Variants in ROBO2 observed in about 807,000 individuals in gnomAD.
ROBO2 encodes roundabout guidance receptor 2, also known as roundabout homolog 2.
ROBO2 carries 53 observed loss-of-function variants against 160.8 expected under a neutral mutation model. That is an observed-to-expected ratio of 0.33 (90% CI 0.26 to 0.41). The LOEUF (loss-of-function observed/expected upper bound fraction) is 0.41. Ranked by LOEUF, ROBO2 falls within the 10% of genes least tolerant of loss-of-function variation. The pLI is 1.00. For missense variants in ROBO2, 1,577 were observed against 1,722.4 expected (o/e 0.92, Z 1.49); for synonymous variants, 664 against 611.7 (o/e 1.09, Z -1.26).
intron 2 of ROBO2, among the ~76,000 whole-genome samples, chr3:77,180,666 T>G (rs1411785405): frequency 1.3e-5 from 2 of 151,786 alleles, no homozygotes; most frequent in African/African-American, 4.8e-5. Context: ...ATAGACACAT[T>G]AGGGATGTAT....
intron 2 of ROBO2, among the ~76,000 whole-genome samples, chr3:76,716,090 TA>T (rs1268713104): frequency 8.5e-6 from 1 of 117,676 alleles, no homozygotes; most frequent in Non-Finnish European, 2.1e-5. Flanking sequence ...AGACTTAAGT[TA>T]TGAATTTTTT....
intron 6 of ROBO2, among the ~76,000 whole-genome samples, chr3:77,523,123 T>G (rs1480734242): frequency 6.6e-6 from 1 of 151,352 alleles, no homozygotes; most frequent in African/African-American, 2.4e-5. Flanking sequence ...AATAAATTGC[T>G]TATATGGTTT....
chr3:76,802,333 C>T (rs968575552), intron 2 of ROBO2, among the ~76,000 whole-genome samples: 7 of 152,178 alleles, frequency 4.6e-5, no homozygotes, highest in African/African-American at 1.7e-4. Context: ...ATAAATGGTA[C>T]ATTGTCTTGA....
intron 2 of ROBO2, among the ~76,000 whole-genome samples, chr3:76,907,982 G>C (rs1040103390): frequency 6.6e-6 from 1 of 151,974 alleles, no homozygotes; most frequent in Non-Finnish European, 1.5e-5. Context: ...TGGGATTATA[G>C]GCGCCCACCA....
chr3:76,185,340 T>C (rs1701712369), intron 2 of ROBO2, among the ~76,000 whole-genome samples: 1 of 151,638 alleles, frequency 6.6e-6, no homozygotes. Context: ...TTAAGTTGCA[T>C]CTGTTTGATT....
At chr3:77,301,756 C>T (rs1302364841) in intron 2 of ROBO2, among the ~76,000 whole-genome samples, 3 of 152,168 alleles carry the variant, frequency 2.0e-5, no homozygotes, top group African/African-American at 7.2e-5. Flanking sequence ...AATATTGTAA[C>T]TCTTTTACTA....
At chr3:77,019,393 A>C (rs75691869) in intron 2 of ROBO2, among the ~76,000 whole-genome samples, 2,171 of 152,248 alleles carry the variant, frequency 0.014, 24 homozygotes, top group Non-Finnish European at 0.02. Flanking sequence ...ATCATCCCCC[A>C]AAAACCCTAC....
intron 2 of ROBO2, among the ~76,000 whole-genome samples, chr3:76,897,576 A>G (rs1444483964): frequency 2.6e-5 from 4 of 152,042 alleles, no homozygotes; most frequent in Non-Finnish European, 5.9e-5. Flanking sequence ...AGTACTAGGG[A>G]AAAAAAGTAC....
At chr3:77,217,178 T>C (rs2085091088) in intron 2 of ROBO2, among the ~76,000 whole-genome samples, 1 of 152,042 alleles carries the variant, frequency 6.6e-6, no homozygotes, top group Non-Finnish European at 1.5e-5. Context: ...AGTCTCACTC[T>C]GTTGCCCAGG....
In ROBO2 at chr3:75,925,706, T is replaced by C. The variant is rs540466923; in HGVS notation, c.-13-11775T>C. On this transcript the variant is annotated intron_variant, in intron 1 of 26. Coordinates refer to the ROBO2 transcript ENST00000487694. ...ATTTCTACTCTTTATATTAGGTATG[T>C]ATTTGCCAGCCACTTATGTGTGGGA... 3.3e-5 allele frequency among the ~76,000 whole-genome samples: 5 copies of C among 152,354 alleles called. No individual in the cohort carries two copies. The South Asian group carries it at 1.0e-3, about 32-fold the overall frequency.
Position 77,314,412 on chromosome 3 carries a change from T to G in ROBO2, c.389-163002T>G, listed in dbSNP as rs191367614. ...TCTTTAAGCAGAGTTATCTTTTATGTGTTATTGATGTGTTTTTCTTTTAAG... is the reference window on the plus strand; with the variant it reads ...TCTTTAAGCAGAGTTATCTTTTATGGGTTATTGATGTGTTTTTCTTTTAAG... On this transcript the variant is annotated intron_variant, in intron 2 of 25. Transcript: ENST00000461745. Among the ~76,000 whole-genome samples, 192 of 152,334 alleles carry G rather than the reference T, an allele frequency of 1.3e-3. 1 individual carries two copies. The highest frequency in any genetic ancestry group is 4.2e-3 in the African/African-American group (176 of 41,574).
chr3:76,829,177 T>G (rs1673453753), intron 2 of ROBO2, among the ~76,000 whole-genome samples: 1 of 152,098 alleles, frequency 6.6e-6, no homozygotes, highest in Non-Finnish European at 1.5e-5. Flanking sequence ...TCACATAATC[T>G]ATGCTCACAG....
intron 2 of ROBO2, among the ~76,000 whole-genome samples, chr3:75,963,210 C>T (rs191689887): frequency 4.0e-5 from 6 of 151,780 alleles, no homozygotes. Flanking sequence ...TATTTACAGA[C>T]AGGGTCTCAC....
chr3:76,315,682 T>C lies in ROBO2; in HGVS notation c.109+378080T>C, dbSNP rs1222004000. 2.0e-5 allele frequency among the ~76,000 whole-genome samples: 3 copies of C among 152,222 alleles called. No homozygotes were observed. The East Asian group carries it at 5.8e-4, about 29-fold the overall frequency. ...CCCATTATTATATTTCTTCTGATGT[T>C]TCCCCTAGTTATATGAACTAATAAA... On this transcript the variant is annotated intron_variant, in intron 2 of 26. Transcript: ENST00000487694.
intron 2 of ROBO2, among the ~76,000 whole-genome samples, chr3:76,228,680 T>A (rs1337029025): frequency 5.3e-5 from 8 of 152,194 alleles, no homozygotes; most frequent in Admixed American, 5.2e-4. Flanking sequence ...GTCAACATCT[T>A]AGCAAATCTA....
At chr3:76,555,418 A>AAGAAGAAGAAGAAGAAGAAGAAG (rs879848225) in intron 2 of ROBO2, among the ~76,000 whole-genome samples, 4 of 80,094 alleles carry the variant, frequency 5.0e-5, no homozygotes, top group East Asian at 4.8e-4. Flanking sequence ...GAAGAAGAAG[A>AAGAAGAAGAAGAAGAAGAAGAAG]AAGAAGGAGA....
At chr3:76,376,939 G>A (rs2076377210) in intron 2 of ROBO2, among the ~76,000 whole-genome samples, 1 of 152,104 alleles carries the variant, frequency 6.6e-6, no homozygotes, top group Non-Finnish European at 1.5e-5. Context: ...GAGGAATCAT[G>A]GGTTCTGGGT....
chr3:76,743,365 A>G (rs111459446), intron 2 of ROBO2, among the ~76,000 whole-genome samples: 185 of 152,224 alleles, frequency 1.2e-3, no homozygotes, highest in African/African-American at 4.1e-3. Flanking sequence ...TATGTTCACT[A>G]TTTTGGTGAT....
intron 23 of ROBO2, chr3:77,631,941 AT>A (rs1318616371): frequency 2.6e-5 from 4 of 152,090 alleles, no homozygotes; most frequent in African/African-American, 9.7e-5. Flanking sequence ...TTGTTTATAC[AT>A]TTTTTGTTTG....
Sources: allele counts gnomAD v4.1 joint callset (sites outside exome capture counted in the v4.1 genomes callset), GRCh38; gene constraint gnomAD v4.1.1; transcripts MANE v1.5; gene names NCBI Gene and HGNC (gene_info 2026-07-23, HGNC 2026-07-21).